Variants in ALK observed in about 807,000 individuals in gnomAD.
The protein encoded by ALK is ALK tyrosine kinase receptor.
In ALK, 74 loss-of-function variants were observed where a neutral mutation model predicts 163.1. That is an observed-to-expected ratio of 0.45 (90% CI 0.38 to 0.55). The LOEUF (loss-of-function observed/expected upper bound fraction) is 0.55, where lower values mean the gene tolerates loss of function less well. Among genes scored for constraint, ALK ranks in the 20% least tolerant of loss-of-function variants. The pLI is 0.00. For missense variants in ALK, 2,063 were observed against 2,105.3 expected (o/e 0.98, Z 0.39); for synonymous variants, 960 against 843.2 (o/e 1.14, Z -2.40).
chr2:29,261,496 C>G (rs1665087814), intron 11 of ALK, among the ~76,000 whole-genome samples: 1 of 152,100 alleles, frequency 6.6e-6, no homozygotes. Context: ...TGGTGAGCCC[C>G]TGTATGCCAT....
intron 3 of ALK, among the ~76,000 whole-genome samples, chr2:29,684,507 T>A (rs374397804): frequency 1.1e-4 from 16 of 152,334 alleles, no homozygotes; most frequent in African/African-American, 3.8e-4. Flanking sequence ...GTGGCCGGGA[T>A]GGCTGGTAAG....
At chr2:29,425,101 T>A (rs555807630) in intron 4 of ALK, among the ~76,000 whole-genome samples, 2 of 152,242 alleles carry the variant, frequency 1.3e-5, no homozygotes, top group East Asian at 3.9e-4. Context: ...CTGGTAAAAA[T>A]TATTTTTTAG....
At chr2:29,560,453 G>A (rs1673988278) in intron 3 of ALK, among the ~76,000 whole-genome samples, 1 of 152,182 alleles carries the variant, frequency 6.6e-6, no homozygotes, top group East Asian at 1.9e-4. Context: ...CTGCAAATGA[G>A]CCGAAGGCCT....
intron 4 of ALK, among the ~76,000 whole-genome samples, chr2:29,481,214 T>C (rs1348673817): frequency 6.6e-6 from 1 of 152,218 alleles, no homozygotes; most frequent in East Asian, 1.9e-4. Flanking sequence ...GGTTTGTAGT[T>C]CAGTGCTTTA....
chr2:29,703,800 C>G lies in ALK; in HGVS notation c.788-8786G>C, dbSNP rs77308195. ...ACTTTAAGAAACATTTGAGGTCAAC[C>G]ATTTCTTCACTGGAGAAGTGAAAAA... On this transcript the variant is annotated intron_variant, in intron 2 of 28. Coordinates refer to ENST00000389048, the MANE Select transcript of ALK (RefSeq NM_004304.5). 3.3e-3 allele frequency among the ~76,000 whole-genome samples: 506 copies of G among 152,246 alleles called. 1 individual carries two copies. The highest frequency in any genetic ancestry group is 5.2e-3 in the Non-Finnish European group (353 of 68,016).
intron 4 of ALK, among the ~76,000 whole-genome samples, chr2:29,502,069 T>C (rs894738855): frequency 4.6e-5 from 7 of 152,244 alleles, no homozygotes; most frequent in South Asian, 2.1e-4. Context: ...TATCTCTTGA[T>C]GGACACTTAC....
At chr2:29,904,865 T>TA (rs1030619212) in intron 1 of ALK, among the ~76,000 whole-genome samples, 5 of 152,194 alleles carry the variant, frequency 3.3e-5, no homozygotes, top group Non-Finnish European at 7.3e-5. Flanking sequence ...TTCCTGATGA[T>TA]AATTGAGTGT....
intron 1 of ALK, among the ~76,000 whole-genome samples, chr2:29,838,598 A>G (rs578009115): frequency 6.6e-6 from 1 of 152,276 alleles, no homozygotes; most frequent in Admixed American, 6.5e-5. Flanking sequence ...AAAGGAACAA[A>G]CCACTGATCG....
intron 1 of ALK, among the ~76,000 whole-genome samples, chr2:29,898,798 C>T (rs934509391): frequency 1.3e-5 from 2 of 152,122 alleles, no homozygotes; most frequent in African/African-American, 4.8e-5. Context: ...CCGAAGTTTA[C>T]AGTGAGGAAG....
At chr2:29,247,640 G>T (rs189695376) in intron 12 of ALK, among the ~76,000 whole-genome samples, 215 of 152,342 alleles carry the variant, frequency 1.4e-3, no homozygotes, top group Admixed American at 2.9e-3. Flanking sequence ...CCAGCTAAGA[G>T]TGGGGGTGTT....
At position 29,226,924 on chromosome 2, in the gene ALK, A is replaced by G. The variant is rs778643763; in HGVS notation, c.3065T>C (p.Ile1022Thr). 5 of 1,613,956 alleles carry G rather than the reference A, an allele frequency of 3.1e-6. No individual in the cohort carries two copies. Among genetic ancestry groups the G allele is most frequent in the African/African-American group, 2.7e-5 (2 of 74,902 alleles). ...TVLAEDGVSC[I>T]VSPTPEPHLP... ...CTCCCCTGGCCCTGCCCCCTTACCA[A>G]TGCAGGAGACGCCATCCTCAGCCAG... The change falls in exon 18 of 29, where the codon ATT (isoleucine) becomes ACT (threonine). Residue 1022 changes from isoleucine to threonine, a missense_variant and splice_region_variant. By Grantham distance (89) the Ile-to-Thr change is moderately conservative. Transcript: ENST00000389048.
Position 29,197,600 on chromosome 2 carries a change from G to C in ALK, c.4015C>G (p.Leu1339Val), listed in dbSNP as rs1416439647. The change falls in exon 27 of 29, where the codon CTG (leucine) becomes GTG (valine). Residue 1339 changes from leucine (L) to valine (V), a missense_variant. By Grantham distance (32) the Leu-to-Val change is conservative (BLOSUM62 1). Around this residue, in one of 5 missense-constraint regions of ALK, gnomAD observed 403 missense variants for 366.2 expected, o/e 1.10. Coordinates refer to ENST00000389048, the MANE Select transcript of ALK (RefSeq NM_004304.5). Reference sequence around the variant, plus strand: ...CGGCCTCCACTGGTGACAAACTCCAGAACTTCCTGGTTGCTTTTGCTGGGG... The same window carrying C: ...CGGCCTCCACTGGTGACAAACTCCACAACTTCCTGGTTGCTTTTGCTGGGG... Reference protein sequence around the residue: ...PYPSKSNQEVLEFVTSGGRMD... With the variant: ...PYPSKSNQEVVEFVTSGGRMD... 3 of 1,613,846 alleles carry C rather than the reference G, an allele frequency of 1.9e-6. No homozygotes were observed. Among genetic ancestry groups the C allele is most frequent in the Admixed American group, 1.7e-5 (1 of 59,998 alleles).
intron 1 of ALK, among the ~76,000 whole-genome samples, chr2:29,903,521 T>G (rs1279139122): frequency 6.6e-6 from 1 of 152,098 alleles, no homozygotes; most frequent in Non-Finnish European, 1.5e-5. Context: ...GAAAATAGTT[T>G]TTATGTATGT....
At chr2:29,260,395 CTTATT>C (rs1447289230) in intron 11 of ALK, among the ~76,000 whole-genome samples, 1 of 152,026 alleles carries the variant, frequency 6.6e-6, no homozygotes, top group African/African-American at 2.4e-5. Flanking sequence ...TTTTTGTTTT[CTTATT>C]TTAATTTTGA....
At chr2:29,205,802 G>C (rs1284464813) in intron 26 of ALK, among the ~76,000 whole-genome samples, 1 of 152,110 alleles carries the variant, frequency 6.6e-6, no homozygotes, top group East Asian at 1.9e-4. Flanking sequence ...CATCTGCAAA[G>C]ACCCATTTTC....
intron 11 of ALK, among the ~76,000 whole-genome samples, chr2:29,253,895 G>T (rs922259679): frequency 6.8e-6 from 1 of 147,288 alleles, no homozygotes; most frequent in Non-Finnish European, 1.5e-5. Flanking sequence ...TAGATAGATA[G>T]GTAGATAGCT....
intron 3 of ALK, among the ~76,000 whole-genome samples, chr2:29,676,778 GTC>G (rs990660764): frequency 1.3e-5 from 2 of 151,910 alleles, no homozygotes; most frequent in African/African-American, 2.4e-5. Context: ...AAAATGTAAT[GTC>G]TCTTTTTTTA....
chr2:29,494,358 C>G (rs59127157), intron 4 of ALK, among the ~76,000 whole-genome samples: 1 of 151,998 alleles, frequency 6.6e-6, no homozygotes, highest in Admixed American at 6.5e-5. Flanking sequence ...ACAGGAGCTG[C>G]GGGAGAAATC....
At chr2:29,298,180 G>A (rs1278652741) in intron 8 of ALK, among the ~76,000 whole-genome samples, 2 of 152,192 alleles carry the variant, frequency 1.3e-5, no homozygotes, top group African/African-American at 4.8e-5. Flanking sequence ...GGGGCCCCCA[G>A]GGACTGATTT....
Sources: allele counts gnomAD v4.1 joint callset (sites outside exome capture counted in the v4.1 genomes callset), GRCh38; gene constraint gnomAD v4.1.1; regional missense constraint gnomAD v4.1.1; transcripts MANE v1.5; gene names NCBI Gene and HGNC (gene_info 2026-07-23, HGNC 2026-07-21).